Variants in PDE8B observed in about 807,000 individuals in gnomAD.
The protein encoded by PDE8B is phosphodiesterase 8B, also known as high affinity cAMP-specific and IBMX-insensitive 3',5'-cyclic phosphodiesterase 8B.
In PDE8B, 26 loss-of-function variants were observed where a neutral mutation model predicts 101.3. The observed-to-expected ratio is 0.26, with a 90% CI of 0.19 to 0.36. The LOEUF (loss-of-function observed/expected upper bound fraction) is 0.36. Among genes scored for constraint, PDE8B ranks in the 10% least tolerant of loss-of-function variants. The pLI is 1.00. For missense variants in PDE8B, 810 were observed against 1,163.1 expected (o/e 0.70, Z 4.42); for synonymous variants, 424 against 429.3 (o/e 0.99, Z 0.15).
chr5:77,409,184 G>A (rs1794067371), intron 14 of PDE8B, 127 bp downstream of exon 14: 2 of 758,664 alleles, frequency 2.6e-6, no homozygotes, highest in Non-Finnish European at 4.6e-6. Flanking sequence ...AGCATAACCA[G>A]AAGCAACTGC....
intron 1 of PDE8B, among the ~76,000 whole-genome samples, chr5:77,264,917 CTCT>C (rs1224138669): frequency 1.3e-5 from 2 of 152,150 alleles, no homozygotes; most frequent in Non-Finnish European, 2.9e-5. Flanking sequence ...AATTTAACTA[CTCT>C]TACTTTATTC....
chr5:77,386,456 T>C (rs1581402783), intron 10 of PDE8B, among the ~76,000 whole-genome samples: 1 of 152,290 alleles, frequency 6.6e-6, no homozygotes, highest in East Asian at 1.9e-4. Context: ...TGAATCTGGG[T>C]GCTCTGTTGT....
intron 1 of PDE8B, among the ~76,000 whole-genome samples, chr5:77,227,063 G>A (rs1752552463): frequency 6.6e-6 from 1 of 152,110 alleles, no homozygotes; most frequent in Non-Finnish European, 1.5e-5. Context: ...ACTGATTGTT[G>A]TAAAGAACTT....
At chr5:77,117,779 A>C in the PDE8B span, among the ~76,000 whole-genome samples, 1 of 152,158 alleles carries the variant, frequency 6.6e-6, no homozygotes, top group Non-Finnish European at 1.5e-5. Context: ...TAAATCACAT[A>C]CTGTCTTGTA....
chr5:77,109,383 C>G, the PDE8B span, among the ~76,000 whole-genome samples: 1 of 152,202 alleles, frequency 6.6e-6, no homozygotes, highest in Non-Finnish European at 1.5e-5. Context: ...AGAAGGACAG[C>G]AAGACAGTTA....
the PDE8B span, among the ~76,000 whole-genome samples, chr5:77,090,321 G>A: frequency 7.2e-5 from 11 of 152,204 alleles, no homozygotes; most frequent in African/African-American, 2.4e-4. Context: ...CTCACTGCAA[G>A]CTCCGCCTCC....
At chr5:77,296,951 C>G (rs1458636872) in intron 1 of PDE8B, among the ~76,000 whole-genome samples, 4 of 152,158 alleles carry the variant, frequency 2.6e-5, no homozygotes, top group African/African-American at 9.7e-5. Flanking sequence ...AACTGCCTTT[C>G]CTGTATGCTG....
chr5:77,407,346 C>CG lies in PDE8B; in HGVS notation c.1289-33dup, dbSNP rs1370288798. 5 of 1,583,234 alleles carry CG rather than the reference C, an allele frequency of 3.2e-6. 1 individual carries two copies. Among genetic ancestry groups the CG allele is most frequent in the Admixed American group, 1.7e-5 (1 of 59,964 alleles). On this transcript the variant is annotated intron_variant, in intron 12 of 21. Coordinates refer to ENST00000264917, the MANE Select transcript of PDE8B (RefSeq NM_003719.5). ...GCTGCACTTAGCCACACTGAGCCACCGGAACTGGACACAGCTTTCTTGCCT... is the reference window on the plus strand; with the variant it reads ...GCTGCACTTAGCCACACTGAGCCACCGGGAACTGGACACAGCTTTCTTGCCT...
the PDE8B span, among the ~76,000 whole-genome samples, chr5:77,142,964 G>C: frequency 6.6e-6 from 1 of 152,162 alleles, no homozygotes; most frequent in African/African-American, 2.4e-5. Flanking sequence ...GATCATAAGA[G>C]AGAGGAGCTA....
the PDE8B span, chr5:77,134,247 C>T: frequency 6.6e-6 from 1 of 152,234 alleles, no homozygotes; most frequent in African/African-American, 2.4e-5. Flanking sequence ...TACCATCCTG[C>T]AGGATGCACT....
In PDE8B at chr5:77,211,633, G is replaced by T. The variant is rs1748444144; in HGVS notation, c.339+369G>T. On this transcript the variant is annotated intron_variant, in intron 1 of 21. Transcript: ENST00000264917. This position sits in a 1 kb window ranked among gnomAD's most constrained non-coding sequence, Gnocchi z 4.1. ...CATTCGGTGGCCAGTCCTGTTGAAT[G>T]AAATCTGAGCACTGAGCTGGATTTG... 6.6e-6 allele frequency among the ~76,000 whole-genome samples: 1 copy of T among 152,216 alleles called. No homozygotes were observed. Among genetic ancestry groups the T allele is most frequent in the African/African-American group, 2.4e-5 (1 of 41,468 alleles).
chr5:77,396,451 A>G (rs1035503491), intron 10 of PDE8B, among the ~76,000 whole-genome samples: 1 of 152,164 alleles, frequency 6.6e-6, no homozygotes, highest in Non-Finnish European at 1.5e-5. Context: ...ATTGGTTTGC[A>G]TTTACTTATG....
chr5:77,094,017 C>A, the PDE8B span, among the ~76,000 whole-genome samples: 384 of 152,154 alleles, frequency 2.5e-3, 3 homozygotes, highest in African/African-American at 9.0e-3. Flanking sequence ...GGTGTTTATT[C>A]TTCCATAGTC....
At chr5:77,169,895 G>A in the PDE8B span, among the ~76,000 whole-genome samples, 1 of 152,184 alleles carries the variant, frequency 6.6e-6, no homozygotes, top group East Asian at 1.9e-4. Flanking sequence ...GCTGAGTGCA[G>A]AGTAAATGCT....
chr5:77,106,139 G>A, the PDE8B span: 3 of 152,036 alleles, frequency 2.0e-5, no homozygotes, highest in African/African-American at 4.8e-5. Context: ...CTTCCTAATG[G>A]TGTTTTTCAA....
intron 1 of PDE8B, among the ~76,000 whole-genome samples, chr5:77,242,347 A>T (rs1755936575): frequency 6.6e-6 from 1 of 152,218 alleles, no homozygotes; most frequent in Admixed American, 6.5e-5. Flanking sequence ...GCTTAAAGAG[A>T]AGTTAACAGT....
chr5:77,209,803 G>C (rs938806705), upstream of PDE8B, among the ~76,000 whole-genome samples: 11 of 152,224 alleles, frequency 7.2e-5, no homozygotes, highest in Non-Finnish European at 1.6e-4. Flanking sequence ...GAAAATGGGG[G>C]AGAAAGCCAA....
At chr5:77,321,585 T>G (rs769663473) in intron 2 of PDE8B, among the ~76,000 whole-genome samples, 8 of 152,210 alleles carry the variant, frequency 5.3e-5, no homozygotes, top group Non-Finnish European at 1.0e-4. Context: ...GAGTCCAATT[T>G]GGGCTACTTG....
intron 11 of PDE8B, 94 bp downstream of exon 11, chr5:77,400,384 C>G: frequency 1.2e-6 from 1 of 854,074 alleles, no homozygotes; most frequent in Non-Finnish European, 2.0e-6. Flanking sequence ...TTGACATCTA[C>G]TACCCCAGAA....
Sources: gnomAD v4.1 joint callset for allele counts (sites outside exome capture counted in the v4.1 genomes callset) on GRCh38, gnomAD v4.1.1 for gene constraint, Gnocchi (gnomAD v3.1) non-coding constraint, MANE v1.5 for transcripts, NCBI Gene and HGNC (gene_info 2026-07-23, HGNC 2026-07-21) for gene names.